SHTN1: variants seen among roughly 807,000 people sequenced by gnomAD.
SHTN1 encodes the protein shootin-1.
In SHTN1, 42 loss-of-function variants were observed where a neutral mutation model predicts 83.1. The ratio of observed to expected loss-of-function variants is 0.51; its 90% CI spans 0.39 to 0.65. The LOEUF (loss-of-function observed/expected upper bound fraction) is 0.65. Ranked by LOEUF, SHTN1 falls within the 30% of genes least tolerant of loss-of-function variation. SHTN1 has a pLI of 0.00. For synonymous variants in SHTN1, 224 were observed against 247.7 expected, an observed-to-expected ratio of 0.90 and a Z score of 0.90; for missense variants, 622 against 737.8, an observed-to-expected ratio of 0.84 and a Z score of 1.82.
intron 3 of SHTN1, among the ~76,000 whole-genome samples, chr10:116,964,745 G>A (rs965001761): frequency 1.3e-5 from 2 of 152,298 alleles, no homozygotes; most frequent in African/African-American, 4.8e-5. Context: ...CACTTTGGGA[G>A]GCCAAGGCAG....
chr10:117,090,753 A>AGAAGGAAG (rs56409103), intron 1 of SHTN1, among the ~76,000 whole-genome samples: 106 of 97,548 alleles, frequency 1.1e-3, no homozygotes, highest in East Asian at 5.8e-3. Flanking sequence ...TTGTGAAAAC[A>AGAAGGAAG]GAAGGAAGGA....
intron 1 of SHTN1, among the ~76,000 whole-genome samples, chr10:117,071,670 A>G (rs1853082432): frequency 6.6e-6 from 1 of 152,076 alleles, no homozygotes; most frequent in Non-Finnish European, 1.5e-5. Context: ...CAAATCACAT[A>G]ATTTAGTCAG....
At chr10:116,976,458 A>T (rs1159717137) in intron 2 of SHTN1, among the ~76,000 whole-genome samples, 1 of 152,174 alleles carries the variant, frequency 6.6e-6, no homozygotes, top group Non-Finnish European at 1.5e-5. Flanking sequence ...GTTCACTCTA[A>T]ATTTCCCTAC....
At chr10:116,987,195 G>C (rs138905213) in intron 1 of SHTN1, among the ~76,000 whole-genome samples, 55 of 152,214 alleles carry the variant, frequency 3.6e-4, no homozygotes, top group African/African-American at 1.3e-3. Flanking sequence ...TCTCATCTAA[G>C]AGGTAAATAA....
rs1018863070 is a variant in SHTN1 at position 116,883,400 on chromosome 10, G to T, written c.*2944C>A. On this transcript the variant is annotated 3_prime_UTR_variant, in exon 17 of 17. Coordinates refer to ENST00000355371, the MANE Select transcript of SHTN1 (RefSeq NM_001127211.3). ...TAGGGACATGTTAGTGCTTGGAAGA[G>T]AAACTTCAAACCACTCCAATCCTTA... is the stretch of plus-strand genomic sequence containing the variant. 15 of 152,172 alleles carry T rather than the reference G, an allele frequency of 9.9e-5. No homozygotes were observed. The highest frequency in any genetic ancestry group is 3.6e-4 in the African/African-American group (15 of 41,442). The allele number at this position is 152,172 out of a possible 1,614,324, so 9.4% of individuals were successfully genotyped here. A position where few individuals can be genotyped will look rare whatever the true frequency, so the allele number is the denominator to read the frequency against.
chr10:117,026,565 G>A (rs1467532637), intron 2 of SHTN1, among the ~76,000 whole-genome samples: 1 of 152,100 alleles, frequency 6.6e-6, no homozygotes, highest in East Asian at 1.9e-4. Flanking sequence ...TTGGATTACA[G>A]GTGTGCACCA....
intron 2 of SHTN1, among the ~76,000 whole-genome samples, chr10:117,019,968 AT>A (rs1427356881): frequency 2.0e-5 from 3 of 152,334 alleles, no homozygotes; most frequent in Middle Eastern, 3.4e-3. Flanking sequence ...CAAATGCCAA[AT>A]TCATCTACAG....
At chr10:116,976,507 T>C (rs1156950630) in intron 2 of SHTN1, among the ~76,000 whole-genome samples, 1 of 152,212 alleles carries the variant, frequency 6.6e-6, no homozygotes, top group Non-Finnish European at 1.5e-5. Context: ...TACTTTAATT[T>C]GCTGTCCCTG....
intron 2 of SHTN1, among the ~76,000 whole-genome samples, chr10:117,035,583 G>A (rs575414810): frequency 4.1e-4 from 63 of 152,072 alleles, no homozygotes; most frequent in Non-Finnish European, 8.4e-4. Context: ...CCCATCTGAC[G>A]GGGATTAATA....
intron 1 of SHTN1, among the ~76,000 whole-genome samples, chr10:116,981,302 C>G (rs1344186550): frequency 6.6e-6 from 1 of 152,162 alleles, no homozygotes; most frequent in Non-Finnish European, 1.5e-5. Flanking sequence ...ACCTGGGCGA[C>G]AGAGCGAGAC....
intron 8 of SHTN1, among the ~76,000 whole-genome samples, chr10:116,942,459 C>G (rs1406476231): frequency 3.9e-5 from 6 of 151,944 alleles, no homozygotes; most frequent in African/African-American, 1.5e-4. Flanking sequence ...TTGATCCCCC[C>G]GCCTCGGCCT....
Position 116,885,197 on chromosome 10 carries a change from A to G in SHTN1, c.*1147T>C, listed in dbSNP as rs908158566. On this transcript the variant is annotated 3_prime_UTR_variant, in exon 17 of 17. Coordinates refer to ENST00000355371, the MANE Select transcript of SHTN1 (RefSeq NM_001127211.3). Reference sequence around the variant, plus strand: ...CTTAGGTGAAAAACACCTGACAGCTACATGCTGAGCCATGCTAACAAAACT... The same window carrying G: ...CTTAGGTGAAAAACACCTGACAGCTGCATGCTGAGCCATGCTAACAAAACT... The G allele has an allele frequency of 1.3e-5, 2 of 152,666 alleles. No homozygotes were observed. Among genetic ancestry groups the G allele is most frequent in the South Asian group, 2.1e-4 (1 of 4,826 alleles). 9.5% of individuals were successfully genotyped at this position (152,666 alleles called of 1,614,324 possible).
chr10:116,993,354 C>T (rs1031841682), intron 1 of SHTN1, among the ~76,000 whole-genome samples: 2 of 151,932 alleles, frequency 1.3e-5, no homozygotes, highest in African/African-American at 2.4e-5. Flanking sequence ...GTTGTTCTTA[C>T]GTGGTATAAA....
intron 2 of SHTN1, among the ~76,000 whole-genome samples, chr10:117,032,657 T>C (rs1261764285): frequency 5.9e-5 from 9 of 152,084 alleles, no homozygotes; most frequent in Admixed American, 2.6e-4. Context: ...AGAAAACCCA[T>C]AAAGAAACAT....
chr10:116,933,083 T>C (rs1390163756), intron 9 of SHTN1, among the ~76,000 whole-genome samples: 1 of 152,162 alleles, frequency 6.6e-6, no homozygotes, highest in African/African-American at 2.4e-5. Flanking sequence ...TATTCTCCAG[T>C]TCTCTTTCCC....
intron 1 of SHTN1, among the ~76,000 whole-genome samples, chr10:117,054,782 A>C (rs1159114680): frequency 6.6e-6 from 1 of 152,116 alleles, no homozygotes; most frequent in Non-Finnish European, 1.5e-5. Context: ...CTTTAACTGC[A>C]AATTAAAGAA....
At chr10:116,932,541 T>C (rs1006768728) in intron 9 of SHTN1, among the ~76,000 whole-genome samples, 3 of 152,170 alleles carry the variant, frequency 2.0e-5, no homozygotes, top group African/African-American at 4.8e-5. Flanking sequence ...AGATTGGGGA[T>C]TGATGCTCTA....
At chr10:117,053,747 A>G (rs1201320971) in intron 1 of SHTN1, among the ~76,000 whole-genome samples, 1 of 152,142 alleles carries the variant, frequency 6.6e-6, no homozygotes, top group Non-Finnish European at 1.5e-5. Context: ...CAGCAATTCC[A>G]CTCCTAAGTG....
chr10:117,103,632 G>A (rs142626538), intron 1 of SHTN1, among the ~76,000 whole-genome samples: 3,501 of 138,846 alleles, frequency 0.025, 122 homozygotes, highest in East Asian at 0.14. Flanking sequence ...CTGCCTCCCA[G>A]GTTCACGCCA....
Sources: gnomAD v4.1 joint callset for allele counts (sites outside exome capture counted in the v4.1 genomes callset) on GRCh38, gnomAD v4.1.1 for gene constraint, MANE v1.5 for transcripts, NCBI Gene and HGNC (gene_info 2026-07-23, HGNC 2026-07-21) for gene names.